The following COL6A2 variants were observed in gnomAD, a reference collection of about 807,000 sequenced individuals.
COL6A2 encodes collagen alpha-2(VI) chain.
COL6A2 carries 90 observed loss-of-function variants against 124.9 expected under a neutral mutation model. The observed-to-expected ratio is 0.72, with a 90% confidence interval of 0.61 to 0.86. The LOEUF (loss-of-function observed/expected upper bound fraction) is 0.86. COL6A2 is among the 40% of genes least tolerant of loss of function. The pLI is 0.00. For missense variants in COL6A2, 1,607 were observed against 1,502.5 expected (o/e 1.07, Z -1.15); for synonymous variants, 793 against 618.2 (o/e 1.28, Z -4.19).
chr21:46,127,363 G>A (rs1568942202), intron 27 of COL6A2, among the ~76,000 whole-genome samples: 1 of 152,144 alleles, frequency 6.6e-6, no homozygotes, highest in South Asian at 2.1e-4. Context: ...GCTCCCGGTG[G>A]GTGAGCTGGG....
At chr21:46,126,687 GC>G in intron 27 of COL6A2, 146 bp downstream of exon 27, 1 of 977,740 alleles carries the variant, frequency 1.0e-6, no homozygotes, top group Non-Finnish European at 1.6e-6. Flanking sequence ...TAGGGAGATG[GC>G]CCCAGGATGG....
Position 46,127,938 on chromosome 21 carries a change from C to G in COL6A2, c.2461+1397C>G, listed in dbSNP as rs570478747. Among the ~76,000 whole-genome samples the G allele has an allele frequency of 1.4e-3, 206 of 152,344 alleles. 2 individuals are homozygous for G. Among genetic ancestry groups the G allele is most frequent in the Admixed American group, 8.4e-3 (128 of 15,306 alleles). ...CCAGCCCTGCGTGCCCGGGATAAAC[C>G]CACCTGGCCGTGGTGTGTGGCCCTG... On this transcript the variant is annotated intron_variant, in intron 27 of 27. Coordinates refer to ENST00000300527, the MANE Select transcript of COL6A2 (RefSeq NM_001849.4).
In COL6A2 at chr21:46,129,706, C is replaced by T. The variant is rs926723295; in HGVS notation, c.2462-2248C>T. On this transcript the variant is annotated intron_variant, in intron 27 of 27. Transcript: ENST00000300527. ...GCGGCTGCATCTTCCAGTCTCTCCT[C>T]CGTCTTCCTGTGGCCGCTCTCTTTA... The T allele has an allele frequency of 1.3e-5, 18 of 1,413,314 alleles. No homozygotes were observed. The Admixed American group carries it at 3.3e-4, about 26-fold the overall frequency. The allele number at this position is 1,413,314 out of a possible 1,614,324, so 87.5% of individuals were successfully genotyped here.
At chr21:46,109,661 G>A (rs998474470) in intron 1 of COL6A2, among the ~76,000 whole-genome samples, 3 of 152,186 alleles carry the variant, frequency 2.0e-5, no homozygotes, top group Admixed American at 1.3e-4. Context: ...GTCAGCAGGG[G>A]GCTGGCATGT....
chr21:46,126,218 G>T lies in COL6A2; in HGVS notation c.2403G>T (p.Met801Ile). ...DLVAEKFIDD[M>I]EDVLCPDPQI... Reference sequence around the variant, plus strand: ...TCGCTGAGAAGTTCATCGATGACATGGAGGACGTCCTCTGCCCGGGTGAGC... The same window carrying T: ...TCGCTGAGAAGTTCATCGATGACATTGAGGACGTCCTCTGCCCGGGTGAGC... The change falls in exon 26 of 28, where the codon ATG (methionine) becomes ATT (isoleucine). Residue 801 changes from methionine (M) to isoleucine (I), a missense_variant. Transcript: ENST00000300527. 6.2e-7 allele frequency: 1 copy of T among 1,600,392 alleles called. No homozygotes were observed. The highest frequency in any genetic ancestry group is 8.5e-7 in the Non-Finnish European group (1 of 1,179,310).
chr21:46,129,254 G>T lies in COL6A2; in HGVS notation c.2462-2700G>T. The T allele has an allele frequency of 6.2e-7, 1 of 1,612,924 alleles. No homozygotes were observed. The highest frequency in any genetic ancestry group is 1.3e-5 in the African/African-American group (1 of 75,066). Reference sequence around the variant, plus strand: ...CCTTCCTCCGCACGGAAGAGGGGCCGGACGCCACCTTCCCCAGGACCATTC... The same window carrying T: ...CCTTCCTCCGCACGGAAGAGGGGCCTGACGCCACCTTCCCCAGGACCATTC... On this transcript the variant is annotated intron_variant, in intron 27 of 27. Transcript: ENST00000300527.
At chr21:46,123,708 G>A (rs1481346140) in intron 21 of COL6A2, among the ~76,000 whole-genome samples, 3 of 69,068 alleles carry the variant, frequency 4.3e-5, no homozygotes, top group Admixed American at 1.6e-4. Flanking sequence ...TGGGTAGATG[G>A]ATGGGTGGGT....
rs777443196 is a variant in COL6A2 at position 46,126,168 on chromosome 21, A to C, written c.2353A>C (p.Asn785His). 6.2e-7 allele frequency: 1 copy of C among 1,608,996 alleles called. No individual in the cohort carries two copies. The highest frequency in any genetic ancestry group is 8.5e-7 in the Non-Finnish European group (1 of 1,179,980). The change falls in exon 26 of 28, where the codon AAC (asparagine) becomes CAC (histidine). Residue 785 changes from asparagine to histidine, a missense_variant. Physicochemically the swap from Asn to His is moderately conservative, Grantham distance 68 (BLOSUM62 1). Transcript: ENST00000300527. ...CTGCGACAAGCCACAGCAGGTGCGCAACATGACGCTGTTCTCCGACCTGGT... is the reference window on the plus strand; with the variant it reads ...CTGCGACAAGCCACAGCAGGTGCGCCACATGACGCTGTTCTCCGACCTGGT... ...IACDKPQQVRNMTLFSDLVAE... is the reference protein window; with the variant it reads ...IACDKPQQVRHMTLFSDLVAE...
At position 46,122,915 on chromosome 21, in the gene COL6A2, GGAAAGGAGA is replaced by G. The variant is rs773493556; in HGVS notation, c.1660_1668del (p.Lys554_Glu556del). 9 of 1,613,316 alleles carry G rather than the reference GGAAAGGAGA, an allele frequency of 5.6e-6. No individual in the cohort carries two copies. Among genetic ancestry groups the G allele is most frequent in the Non-Finnish European group, 7.6e-6 (9 of 1,179,930 alleles). On this transcript the variant is annotated inframe_deletion, in exon 21 of 28. Coordinates refer to ENST00000300527, the MANE Select transcript of COL6A2 (RefSeq NM_001849.4). ...TTTGGCTTGAAAGGAGAACCTGGGAGGAAAGGAGAGAAAGGAGAGCCTGTGAGTGTCACC... is the reference window on the plus strand; with the variant it reads ...TTTGGCTTGAAAGGAGAACCTGGGAGGAAAGGAGAGCCTGTGAGTGTCACC...
At chr21:46,119,756 C>A (rs1341006207) in intron 14 of COL6A2, 32 bp from the exon 15 acceptor site, 2 of 1,549,584 alleles carry the variant, frequency 1.3e-6, no homozygotes, top group South Asian at 1.2e-5. Context: ...GGACTCAGCC[C>A]CCTCCCTCAC....
intron 27 of COL6A2, chr21:46,128,786 A>T (rs940073412): frequency 5.8e-6 from 5 of 858,596 alleles, no homozygotes; most frequent in Non-Finnish European, 1.0e-5. Context: ...GAGGCTGAGG[A>T]AGGGTTTACC....
At chr21:46,103,539 A>G (rs1459141773) in intron 1 of COL6A2, among the ~76,000 whole-genome samples, 2 of 152,192 alleles carry the variant, frequency 1.3e-5, no homozygotes, top group Non-Finnish European at 2.9e-5. Context: ...ATAAGCATGT[A>G]TAGCCATCAG....
chr21:46,118,064 T>A, intron 12 of COL6A2, 128 bp downstream of exon 12: 1 of 881,640 alleles, frequency 1.1e-6, no homozygotes, highest in South Asian at 1.7e-5. Flanking sequence ...GAGGAGCCAA[T>A]GGCCGTGGGA....
rs145697067 is a variant in COL6A2 at position 46,126,084 on chromosome 21, A to G, written c.2269A>G (p.Ile757Val). ...CGACCGCGACGTCACAGTGACGGCCATCGGCATCGGGGACATGTTCCACGA... is the reference window on the plus strand; with the variant it reads ...CGACCGCGACGTCACAGTGACGGCCGTCGGCATCGGGGACATGTTCCACGA... Reference protein sequence around the residue: ...LCDRDVTVTAIGIGDMFHEKH... With the variant: ...LCDRDVTVTAVGIGDMFHEKH... The change falls in exon 26 of 28, where the codon ATC becomes GTC. Residue 757 changes from isoleucine (I) to valine (V), a missense_variant. Transcript: ENST00000300527. 1.4e-5 allele frequency: 22 copies of G among 1,612,934 alleles called. No homozygotes were observed. Among genetic ancestry groups the G allele is most frequent in the Non-Finnish European group, 1.9e-5 (22 of 1,180,014 alleles).
chr21:46,126,476 T>TGGCCCGGCCC lies in COL6A2; in HGVS notation c.2423-18_2423-17insCGGCCCGGCC, dbSNP rs138363207. The TGGCCCGGCCC allele has an allele frequency of 4.0e-4, 649 of 1,611,548 alleles. 1 individual carries two copies. Among genetic ancestry groups the TGGCCCGGCCC allele is most frequent in the Non-Finnish European group, 5.0e-4 (587 of 1,178,152 alleles). On this transcript the variant is annotated intron_variant, in intron 26 of 27. Coordinates refer to ENST00000300527, the MANE Select transcript of COL6A2 (RefSeq NM_001849.4). ...GGTTCGCTAGGGACTGACCCTGGCC[T>TGGCCCGGCCC]GGCCCGGCCTCTCTCCTCTCTTCCA...
chr21:46,124,176 G>C (rs1281610075), intron 21 of COL6A2, among the ~76,000 whole-genome samples: 1 of 150,942 alleles, frequency 6.6e-6, no homozygotes. Flanking sequence ...GGTGGACAGA[G>C]GATGGGTGGA....
At chr21:46,118,924 G>C in intron 13 of COL6A2, 106 bp from the exon 14 acceptor site, 1 of 1,041,988 alleles carries the variant, frequency 9.6e-7, no homozygotes, top group Non-Finnish European at 1.5e-6. Context: ...CTGGCAAGCA[G>C]ATTCCGCTGG....
intron 11 of COL6A2, 92 bp from the exon 12 acceptor site, chr21:46,117,782 C>A (rs1056102772): frequency 3.1e-5 from 41 of 1,342,534 alleles, no homozygotes; most frequent in Non-Finnish European, 4.1e-5. Flanking sequence ...GGAGGTGCGT[C>A]CCGGGCTGGG....
intron 17 of COL6A2, among the ~76,000 whole-genome samples, 169 bp downstream of exon 17, chr21:46,121,292 ACCCT>A (rs1026344939): frequency 2.6e-5 from 4 of 151,950 alleles, no homozygotes; most frequent in Non-Finnish European, 4.4e-5. Flanking sequence ...CCTCATACCC[ACCCT>A]CAGCCCCAGC....
Sources: gnomAD v4.1 joint callset for allele counts (sites outside exome capture counted in the v4.1 genomes callset) on GRCh38, gnomAD v4.1.1 for gene constraint, MANE v1.5 for transcripts, NCBI Gene and HGNC (gene_info 2026-07-23, HGNC 2026-07-21) for gene names.